The following ATP8A2 variants were observed in gnomAD, a reference collection of about 807,000 sequenced individuals.
ATP8A2 encodes phospholipid-transporting ATPase IB.
In ATP8A2, 100 loss-of-function variants were observed where a neutral mutation model predicts 165.6. The ratio of observed to expected loss-of-function variants is 0.60; its 90% confidence interval spans 0.51 to 0.71. The LOEUF is 0.71. Ranked by LOEUF, ATP8A2 falls within the 30% of genes least tolerant of loss-of-function variation. The pLI, the probability that ATP8A2 is intolerant of heterozygous loss-of-function variation, is 0.00. For missense variants in ATP8A2, 1,227 were observed against 1,479.5 expected, an observed-to-expected ratio of 0.83 and a Z score of 2.80; for synonymous variants, 543 against 548.8, an observed-to-expected ratio of 0.99 and a Z score of 0.15.
chr13:25,555,059 G>A lies in ATP8A2; in HGVS notation c.1254G>A (p.Glu418=). ...CCAGGACATCAAACCTTAATGAAGA[G>A]CTTGGGCAGGTGAAAAAGCCTCTGG... ...AMARTSNLNE[E]LGQVKYLFSD... The change falls in exon 13 of 37, where the codon GAG becomes GAA. Residue 418 remains glutamate (E), a synonymous_variant. Coordinates refer to ENST00000381655, the MANE Select transcript of ATP8A2 (RefSeq NM_016529.6). The A allele has an allele frequency of 1.2e-6, 2 of 1,611,974 alleles. No individual in the cohort carries two copies. The highest frequency in any genetic ancestry group is 1.7e-6 in the Non-Finnish European group (2 of 1,178,232).
At chr13:25,471,436 C>T (rs1340098160) in intron 2 of ATP8A2, among the ~76,000 whole-genome samples, 1 of 150,414 alleles carries the variant, frequency 6.6e-6, no homozygotes, top group Non-Finnish European at 1.5e-5. Context: ...CTGCAACCTC[C>T]GCCTCCTGGG....
At chr13:25,959,738 C>T (rs1021519198) in intron 33 of ATP8A2, among the ~76,000 whole-genome samples, 1 of 152,130 alleles carries the variant, frequency 6.6e-6, no homozygotes, top group East Asian at 1.9e-4. Context: ...CATGGAAATC[C>T]GTTGTATGTA....
chr13:25,500,480 T>C (rs1414022066), intron 2 of ATP8A2, among the ~76,000 whole-genome samples: 1 of 152,214 alleles, frequency 6.6e-6, no homozygotes, highest in East Asian at 1.9e-4. Context: ...CTCCATAATA[T>C]TGTGTGGAGT....
intron 24 of ATP8A2, among the ~76,000 whole-genome samples, chr13:25,639,008 C>A (rs1443079037): frequency 1.3e-5 from 2 of 152,050 alleles, no homozygotes. Flanking sequence ...GCCAAACCAA[C>A]CTTCATAAGT....
chr13:25,737,945 A>C (rs1174971372), intron 25 of ATP8A2, among the ~76,000 whole-genome samples: 2 of 152,130 alleles, frequency 1.3e-5, no homozygotes, highest in East Asian at 3.9e-4. Context: ...CGGCCTCCCA[A>C]AGTGCTGGGA....
Position 25,400,644 on chromosome 13 carries a change from C to T in ATP8A2, c.76+28356C>T, listed in dbSNP as rs530849478. 2.5e-4 allele frequency among the ~76,000 whole-genome samples: 38 copies of T among 152,336 alleles called. No individual in the cohort carries two copies. The East Asian group carries it at 6.0e-3, about 24-fold the overall frequency. ...CCGATGACTCCGGATTATTCTAATGCACATCCATTATGGTTCTGCACAGTA... is the reference window on the plus strand; with the variant it reads ...CCGATGACTCCGGATTATTCTAATGTACATCCATTATGGTTCTGCACAGTA... On this transcript the variant is annotated intron_variant, in intron 1 of 36. Transcript: ENST00000381655.
At chr13:25,959,802 T>C (rs1474534632) in intron 33 of ATP8A2, among the ~76,000 whole-genome samples, 1 of 152,270 alleles carries the variant, frequency 6.6e-6, no homozygotes, top group Non-Finnish European at 1.5e-5. Context: ...TTCTGGTTTC[T>C]TTGATAGACT....
intron 35 of ATP8A2, among the ~76,000 whole-genome samples, chr13:26,011,343 T>C (rs547303004): frequency 6.6e-6 from 1 of 152,324 alleles, no homozygotes; most frequent in East Asian, 1.9e-4. Flanking sequence ...GCCTGTGTCC[T>C]CATCTCCTCT....
chr13:25,375,353 G>GA lies in ATP8A2; in HGVS notation c.76+3066dup. On this transcript the variant is annotated intron_variant, in intron 1 of 36. Transcript: ENST00000381655. ...GCTCTCAACTCTCTTCTCTCACCTTGACCCAGATGAGTAAGGAAATTAAGG... is the reference window on the plus strand; with the variant it reads ...GCTCTCAACTCTCTTCTCTCACCTTGAACCCAGATGAGTAAGGAAATTAAGG... 2.6e-5 allele frequency among the ~76,000 whole-genome samples: 4 copies of GA among 152,290 alleles called. No homozygotes were observed. In the East Asian group the frequency reaches 7.7e-4, roughly 29 times the overall value.
At chr13:25,855,170 G>A (rs1032665568) in intron 30 of ATP8A2, among the ~76,000 whole-genome samples, 1 of 151,038 alleles carries the variant, frequency 6.6e-6, no homozygotes, top group Non-Finnish European at 1.5e-5. Flanking sequence ...AGAATCGCTT[G>A]AACCCAGGAG....
chr13:25,894,879 G>T (rs1310148914), intron 33 of ATP8A2, among the ~76,000 whole-genome samples: 3 of 152,110 alleles, frequency 2.0e-5, no homozygotes, highest in Admixed American at 1.3e-4. Context: ...TTTGCACATT[G>T]ATTTTGTATC....
At chr13:25,940,277 C>G (rs902211240) in intron 33 of ATP8A2, among the ~76,000 whole-genome samples, 1 of 152,164 alleles carries the variant, frequency 6.6e-6, no homozygotes, top group African/African-American at 2.4e-5. Flanking sequence ...AGCCTCTTCC[C>G]AGAGTCCTCT....
chr13:25,829,708 A>ATATATATATATATATATT (rs1951414701), intron 28 of ATP8A2, among the ~76,000 whole-genome samples: 1 of 81,646 alleles, frequency 1.2e-5, no homozygotes, highest in Non-Finnish European at 2.5e-5. Flanking sequence ...ATATATATAT[A>ATATATATATATATATATT]TATATATATA....
rs1483610468 is a variant in ATP8A2, at chr13:25,774,969, G to A, written c.2679+10G>A. On this transcript the variant is annotated intron_variant, in intron 27 of 36. Coordinates refer to ENST00000381655, the MANE Select transcript of ATP8A2 (RefSeq NM_016529.6). ...CCTGTATATTATTGAGGTAAGAAGG[G>A]GTATTTTTTTTCCTTGAAGAGAAAG... 5 of 1,482,692 alleles carry A rather than the reference G, an allele frequency of 3.4e-6. No homozygotes were observed. Among genetic ancestry groups the A allele is most frequent in the South Asian group, 2.4e-5 (2 of 84,054 alleles). The allele number at this position is 1,482,692 out of a possible 1,614,324, so 91.8% of individuals were successfully genotyped here.
chr13:25,478,171 G>A (rs1251822491), intron 2 of ATP8A2, among the ~76,000 whole-genome samples: 2 of 151,710 alleles, frequency 1.3e-5, no homozygotes, highest in Non-Finnish European at 2.9e-5. Context: ...CTTACTCTCG[G>A]GGCATCAAAG....
chr13:25,837,790 G>T (rs985837697), intron 29 of ATP8A2, among the ~76,000 whole-genome samples: 10 of 152,040 alleles, frequency 6.6e-5, no homozygotes, highest in African/African-American at 2.4e-4. Context: ...AGTTGCAGGG[G>T]ATTTGGTTTT....
chr13:25,481,431 C>T (rs2036197522), intron 2 of ATP8A2, among the ~76,000 whole-genome samples: 1 of 152,180 alleles, frequency 6.6e-6, no homozygotes, highest in Admixed American at 6.5e-5. Context: ...CATTCCTCCT[C>T]CATCCTGAGC....
chr13:25,570,439 G>A (rs1488427889), intron 16 of ATP8A2, among the ~76,000 whole-genome samples: 2 of 152,218 alleles, frequency 1.3e-5, no homozygotes, highest in East Asian at 3.9e-4. Context: ...GCAAATGGAA[G>A]CATGTGGGCA....
intron 25 of ATP8A2, among the ~76,000 whole-genome samples, chr13:25,767,666 G>A (rs910244907): frequency 6.6e-6 from 1 of 152,210 alleles, no homozygotes; most frequent in Non-Finnish European, 1.5e-5. Context: ...ACTGCAGGAG[G>A]CATCGAATTG....
Sources: allele counts gnomAD v4.1 joint callset (sites outside exome capture counted in the v4.1 genomes callset), GRCh38; gene constraint gnomAD v4.1.1; transcripts MANE v1.5; gene names NCBI Gene and HGNC (gene_info 2026-07-23, HGNC 2026-07-21).